The following PARVB variants were observed in gnomAD, a reference collection of about 807,000 sequenced individuals.
PARVB encodes the protein beta-parvin.
Under a neutral mutation model 47.0 loss-of-function variants are expected in PARVB, and 46 were observed. The ratio of observed to expected loss-of-function variants is 0.98; its 90% CI spans 0.77 to 1.25. PARVB has a LOEUF of 1.25. Ranked by LOEUF, PARVB falls within the 50% of genes most tolerant of loss-of-function variation. The pLI, the probability that PARVB is intolerant of heterozygous loss-of-function variation, is 0.00. For missense variants in PARVB, 473 were observed against 471.6 expected (o/e 1.00, Z -0.03); for synonymous variants, 196 against 196.3 (o/e 1.00, Z 0.01).
chr22:44,162,634 A>T (rs1274144044), intron 11 of PARVB: 1 of 152,298 alleles, frequency 6.6e-6, no homozygotes, highest in Admixed American at 6.5e-5. Flanking sequence ...ATGTTTGATT[A>T]CTAAGAGCCC....
chr22:44,017,547 T>C (rs1404192471), intron 2 of PARVB, among the ~76,000 whole-genome samples: 1 of 152,242 alleles, frequency 6.6e-6, no homozygotes, highest in East Asian at 1.9e-4. Context: ...GGGGCCACTG[T>C]TCTTTCACAC....
upstream of PARVB, among the ~76,000 whole-genome samples, chr22:44,021,540 A>G (rs1455667079): frequency 6.6e-6 from 1 of 152,182 alleles, no homozygotes; most frequent in African/African-American, 2.4e-5. Flanking sequence ...TGCTTCAGGA[A>G]CCAAGGAAAA....
In PARVB at chr22:44,140,617, C is replaced by T. The variant is rs146790108; in HGVS notation, c.712+474C>T. On this transcript the variant is annotated intron_variant, in intron 8 of 12. Coordinates refer to ENST00000338758, the MANE Select transcript of PARVB (RefSeq NM_013327.5). The stretch of plus-strand genomic sequence containing the variant: ...TCCTTAGAGTCAGGCAGCCAGGGCT[C>T]ATTCCTGGCTGGTGGCTTGTGGCCT... 5.3e-4 allele frequency: 277 copies of T among 519,178 alleles called. 2 individuals are homozygous for T. In the East Asian group the frequency reaches 0.013, roughly 24 times the overall value. 32.2% of individuals were successfully genotyped at this position (519,178 alleles called of 1,614,324 possible).
intron 1 of PARVB, among the ~76,000 whole-genome samples, chr22:44,045,566 G>A (rs2051099406): frequency 1.3e-5 from 2 of 152,310 alleles, no homozygotes; most frequent in Admixed American, 6.5e-5. Context: ...GCAGGTATGG[G>A]GCTGGGGGTT....
At chr22:44,066,968 G>A (rs1467520842) in intron 1 of PARVB, among the ~76,000 whole-genome samples, 4 of 151,964 alleles carry the variant, frequency 2.6e-5, no homozygotes, top group Non-Finnish European at 5.9e-5. Context: ...TCCTGCCTCA[G>A]CCTCCTGAAT....
intron 8 of PARVB, chr22:44,147,613 G>C (rs1199043157): frequency 2.9e-6 from 2 of 696,638 alleles, no homozygotes; most frequent in Non-Finnish European, 5.3e-6. Context: ...GCAGGTGGAA[G>C]GGACCCTCTG....
intron 12 of PARVB, among the ~76,000 whole-genome samples, chr22:44,164,932 C>T (rs1363039324): frequency 6.6e-6 from 1 of 152,210 alleles, no homozygotes. Context: ...CCTGCCTGTT[C>T]ATCCTCCTCT....
intron 1 of PARVB, among the ~76,000 whole-genome samples, chr22:44,072,013 G>A (rs1179882598): frequency 6.6e-6 from 1 of 152,188 alleles, no homozygotes; most frequent in Non-Finnish European, 1.5e-5. Context: ...CTCTACCAGT[G>A]GGATCTGAGA....
chr22:44,031,397 G>A (rs562622374), intron 1 of PARVB: 2 of 152,256 alleles, frequency 1.3e-5, no homozygotes, highest in African/African-American at 2.4e-5. Flanking sequence ...TCTGTTGTCC[G>A]GGGCAGCAAA....
Position 44,100,112 on chromosome 22 carries a change from G to A in PARVB, c.262G>A (p.Glu88Lys), listed in dbSNP as rs751532244. Residue 88 changes from glutamate (E) to lysine (K), a missense_variant, in exon 3 of 13, where the codon GAA becomes AAA. Coordinates refer to ENST00000338758, the MANE Select transcript of PARVB (RefSeq NM_013327.5). ...PTSKEDPKFK[E>K]LVKVLLDWIN... ...TTCCAAGGAAGACCCCAAGTTCAAG[G>A]AACTGGTCAAGGTAAGGAGCTCCGT... 2.5e-6 allele frequency: 4 copies of A among 1,613,542 alleles called. No homozygotes were observed. Among genetic ancestry groups the A allele is most frequent in the South Asian group, 1.1e-5 (1 of 91,074 alleles).
intron 4 of PARVB, among the ~76,000 whole-genome samples, chr22:44,122,481 G>A (rs1432637070): frequency 1.9e-5 from 2 of 107,972 alleles, no homozygotes; most frequent in Non-Finnish European, 4.0e-5. Context: ...GTGAGACCCT[G>A]TCGATCAAGA....
chr22:44,059,772 G>A (rs919240356), intron 1 of PARVB, among the ~76,000 whole-genome samples: 1 of 152,174 alleles, frequency 6.6e-6, no homozygotes, highest in Admixed American at 6.5e-5. Context: ...CACTTGGCTT[G>A]TTTGACAGGC....
intron 2 of PARVB, among the ~76,000 whole-genome samples, chr22:44,097,305 C>T (rs141299675): frequency 2.6e-5 from 4 of 152,312 alleles, no homozygotes; most frequent in South Asian, 2.1e-4. Flanking sequence ...TGGGAGTATG[C>T]GGGCCCAGGC....
At chr22:44,033,993 A>G (rs2050870460) in intron 1 of PARVB, among the ~76,000 whole-genome samples, 1 of 152,000 alleles carries the variant, frequency 6.6e-6, no homozygotes, top group Admixed American at 6.6e-5. Flanking sequence ...ACAAGGCTGG[A>G]GAAAGGGGGA....
chr22:44,032,666 C>T (rs10483221), intron 1 of PARVB, among the ~76,000 whole-genome samples: 24,662 of 152,004 alleles, frequency 0.16, 2,102 homozygotes, highest in Admixed American at 0.21. Context: ...AATCAGAATT[C>T]GTTATGGATG....
chr22:44,136,561 G>A (rs1418396057), intron 7 of PARVB, 43 bp downstream of exon 7: 41 of 1,540,344 alleles, frequency 2.7e-5, no homozygotes, highest in Middle Eastern at 1.7e-4. Flanking sequence ...CTGCTGCCCC[G>A]AGTGAGTGGG....
chr22:44,051,321 C>T (rs536593379), intron 1 of PARVB, among the ~76,000 whole-genome samples: 31 of 152,284 alleles, frequency 2.0e-4, no homozygotes, highest in African/African-American at 7.2e-4. Context: ...TGTTTGTAGG[C>T]GCTGGGGGGA....
intron 1 of PARVB, among the ~76,000 whole-genome samples, chr22:44,030,387 C>T (rs1344645572): frequency 6.6e-6 from 1 of 152,156 alleles, no homozygotes; most frequent in Non-Finnish European, 1.5e-5. Context: ...GAGGGGGCTC[C>T]TGAGGAGACC....
Position 44,131,477 on chromosome 22 carries a change from C to T in PARVB, c.377-10C>T. 1 of 1,613,336 alleles carries T rather than the reference C, an allele frequency of 6.2e-7. No homozygotes were observed. Among genetic ancestry groups the T allele is most frequent in the South Asian group, 1.1e-5 (1 of 90,960 alleles). The stretch of plus-strand genomic sequence containing the variant: ...TTTCTGACCCTCTTCTCTTGTGCTT[C>T]TCATTGCAGAAAAACTGGCAGGGTG... On this transcript the variant is annotated splice_polypyrimidine_tract_variant and intron_variant, in intron 4 of 12. Transcript: ENST00000338758.
Sources: gnomAD v4.1 joint callset for allele counts (sites outside exome capture counted in the v4.1 genomes callset) on GRCh38, gnomAD v4.1.1 for gene constraint, MANE v1.5 for transcripts, NCBI Gene and HGNC (gene_info 2026-07-23, HGNC 2026-07-21) for gene names.